Variants in TEX9 observed in about 807,000 individuals in gnomAD.
TEX9 encodes the protein testis expressed 9.
Under a neutral mutation model 59.6 loss-of-function variants are expected in TEX9, and 74 were observed. The observed-to-expected ratio is 1.24, with a 90% CI of 1.03 to 1.51. TEX9 has a LOEUF of 1.51. Among genes scored for constraint, TEX9 ranks in the 40% most tolerant of loss-of-function variants. The pLI is 0.00. For synonymous variants in TEX9, 186 were observed against 152.2 expected (o/e 1.22, Z -1.64); for missense variants, 522 against 447.8 (o/e 1.17, Z -1.49).
chr15:56,263,103 A>C (rs1346399352), intron 1 of TEX9, among the ~76,000 whole-genome samples: 2 of 152,118 alleles, frequency 1.3e-5, no homozygotes, highest in East Asian at 3.9e-4. Context: ...GGCTCACTGC[A>C]ACCTCTGCCT....
rs992905544 is a variant in TEX9, at chr15:56,330,371, G to C, written c.-106-43070G>C. 2.0e-5 allele frequency among the ~76,000 whole-genome samples: 3 copies of C among 152,026 alleles called. No individual in the cohort carries two copies. In the East Asian group the frequency reaches 5.8e-4, roughly 29 times the overall value. On this transcript the variant is annotated intron_variant, in intron 1 of 5. Transcript: ENST00000560827. ...ACTCACTGGTAAGAGTAAGTACACA[G>C]AAAAAGTCAGAATATTATTGCACTG...
intron 1 of TEX9, among the ~76,000 whole-genome samples, chr15:56,250,099 A>G (rs1255615057): frequency 6.6e-6 from 1 of 152,212 alleles, no homozygotes; most frequent in Non-Finnish European, 1.5e-5. Flanking sequence ...CAGCAGAATT[A>G]AGGCTGAGAT....
At chr15:56,371,562 G>A (rs2047191756) in intron 2 of TEX9, among the ~76,000 whole-genome samples, 2 of 151,378 alleles carry the variant, frequency 1.3e-5, no homozygotes, top group Admixed American at 1.3e-4. Flanking sequence ...CACATCTGCT[G>A]ATTCTCTCTT....
intron 10 of TEX9, among the ~76,000 whole-genome samples, chr15:56,424,744 A>C (rs149015811): frequency 6.6e-6 from 1 of 152,300 alleles, no homozygotes; most frequent in East Asian, 1.9e-4. Flanking sequence ...TGTCTTTTAA[A>C]TTCGAAAAGA....
intron 2 of TEX9, among the ~76,000 whole-genome samples, chr15:56,372,725 ATGG>A (rs1322120692): frequency 2.0e-5 from 3 of 152,134 alleles, no homozygotes; most frequent in Non-Finnish European, 4.4e-5. Flanking sequence ...ATAAAAATGG[ATGG>A]TGGTGGTAGG....
At chr15:56,276,916 A>G (rs949271994) in intron 1 of TEX9, among the ~76,000 whole-genome samples, 6 of 152,190 alleles carry the variant, frequency 3.9e-5, no homozygotes, top group Admixed American at 6.5e-5. Context: ...TCTAATGATC[A>G]GTGATGATGA....
the TEX9 span, among the ~76,000 whole-genome samples, chr15:56,452,586 T>C: frequency 6.6e-6 from 1 of 151,830 alleles, no homozygotes; most frequent in African/African-American, 2.4e-5. Flanking sequence ...TGGCGCGATC[T>C]TGGCTCACTG....
At chr15:56,420,349 C>T (rs2049920343) in intron 10 of TEX9, among the ~76,000 whole-genome samples, 1 of 151,106 alleles carries the variant, frequency 6.6e-6, no homozygotes, top group South Asian at 2.1e-4. Flanking sequence ...GCTCTGTTGC[C>T]CAGGGTGGAG....
intron 12 of TEX9, among the ~76,000 whole-genome samples, chr15:56,438,608 CA>C (rs1160038250): frequency 3.6e-4 from 55 of 152,124 alleles, no homozygotes; most frequent in African/African-American, 1.1e-3. Flanking sequence ...TCTAAAACAC[CA>C]AAAGCAATGG....
intron 1 of TEX9, among the ~76,000 whole-genome samples, chr15:56,268,967 G>A (rs566485307): frequency 6.6e-6 from 1 of 151,916 alleles, no homozygotes; most frequent in East Asian, 1.9e-4. Context: ...GAATTTTTTT[G>A]GTTGGTAGGC....
intron 1 of TEX9, among the ~76,000 whole-genome samples, chr15:56,339,397 A>AAAACAAACAAAC (rs1289840532): frequency 1.6e-5 from 1 of 61,024 alleles, no homozygotes; most frequent in East Asian, 6.1e-4. Context: ...AAAAAAAAAA[A>AAAACAAACAAAC]AAAAAAAAAA....
intron 1 of TEX9, among the ~76,000 whole-genome samples, chr15:56,244,801 C>G (rs1462054665): frequency 6.6e-6 from 1 of 151,888 alleles, no homozygotes; most frequent in Non-Finnish European, 1.5e-5. Context: ...CGCCCTCCCC[C>G]CGCAGACTCC....
downstream of TEX9, among the ~76,000 whole-genome samples, chr15:56,450,569 A>C (rs2050940733): frequency 6.6e-6 from 1 of 152,160 alleles, no homozygotes; most frequent in Non-Finnish European, 1.5e-5. Flanking sequence ...CTAATATTTT[A>C]GCATGTATCA....
chr15:56,399,234 G>T (rs963432466), intron 9 of TEX9, among the ~76,000 whole-genome samples: 10 of 152,190 alleles, frequency 6.6e-5, no homozygotes, highest in Non-Finnish European at 1.2e-4. Flanking sequence ...ACTGTACCTG[G>T]AAAAATGGGA....
chr15:56,265,899 C>T (rs2044368436), intron 1 of TEX9, among the ~76,000 whole-genome samples: 2 of 151,986 alleles, frequency 1.3e-5, no homozygotes, highest in Admixed American at 1.3e-4. Flanking sequence ...ATTTTCATTC[C>T]TACTGCTTTA....
chr15:56,262,452 T>C (rs1161443347), intron 1 of TEX9, among the ~76,000 whole-genome samples: 3 of 152,232 alleles, frequency 2.0e-5, no homozygotes, highest in Non-Finnish European at 4.4e-5. Context: ...AATTCCACCA[T>C]GGTCTGAGAA....
intron 1 of TEX9, among the ~76,000 whole-genome samples, chr15:56,292,981 G>T (rs769880046): frequency 6.6e-6 from 1 of 152,144 alleles, no homozygotes. Context: ...TACCCCTTCA[G>T]TAAGTCATTT....
intron 1 of TEX9, among the ~76,000 whole-genome samples, chr15:56,269,653 C>CTTTTTTTTT (rs1309147898): frequency 7.6e-6 from 1 of 131,368 alleles, no homozygotes; most frequent in Admixed American, 7.6e-5. Context: ...CTTTTCTTTT[C>CTTTTTTTTT]TTTTTTTTTT....
chr15:56,361,067 A>G (rs1163774072), upstream of TEX9, among the ~76,000 whole-genome samples: 1 of 152,186 alleles, frequency 6.6e-6, no homozygotes, highest in Non-Finnish European at 1.5e-5. Flanking sequence ...TCTCATGGCC[A>G]CACCTGACTG....
Sources: allele counts gnomAD v4.1 joint callset (sites outside exome capture counted in the v4.1 genomes callset), GRCh38; gene constraint gnomAD v4.1.1; transcripts MANE v1.5; gene names NCBI Gene and HGNC (gene_info 2026-07-23, HGNC 2026-07-21).